C1orf115: variants seen among roughly 807,000 people sequenced by gnomAD.
C1orf115 encodes chromosome 1 open reading frame 115, also known as required for drug-induced death protein 1.
C1orf115 carries 14 observed loss-of-function variants against 12.5 expected under a neutral mutation model. The ratio of observed to expected loss-of-function variants is 1.12; its 90% confidence interval spans 0.74 to 1.75. The LOEUF is 1.75. Ranked by LOEUF, C1orf115 falls within the 40% of genes most tolerant of loss-of-function variation. The pLI, the probability that C1orf115 is intolerant of heterozygous loss-of-function variation, is 0.00. For missense variants in C1orf115, 237 were observed against 220.8 expected (o/e 1.07, Z -0.46); for synonymous variants, 109 against 104.6 (o/e 1.04, Z -0.26).
chr1:220,695,191 C>G (rs1558344239), intron 1 of C1orf115, among the ~76,000 whole-genome samples: 1 of 152,022 alleles, frequency 6.6e-6, no homozygotes, highest in Non-Finnish European at 1.5e-5. Context: ...GTGGTTGGCT[C>G]TTTTGGCTGG....
At chr1:220,691,400 A>G (rs1298119472) in intron 1 of C1orf115, among the ~76,000 whole-genome samples, 2 of 152,158 alleles carry the variant, frequency 1.3e-5, no homozygotes, top group Non-Finnish European at 2.9e-5. Context: ...CTGCATGGAA[A>G]CAGTCGAAGC....
At chr1:220,693,958 T>C (rs946851994) in intron 1 of C1orf115, among the ~76,000 whole-genome samples, 1 of 151,402 alleles carries the variant, frequency 6.6e-6, no homozygotes, top group Non-Finnish European at 1.5e-5. Context: ...TGCATGCCTA[T>C]AATCCCAGCT....
In C1orf115 at chr1:220,698,001, G is replaced by A. The variant is rs981816350; in HGVS notation, c.*1270G>A. The A allele has an allele frequency of 1.3e-5, 2 of 152,488 alleles. No individual in the cohort carries two copies. The highest frequency in any genetic ancestry group is 4.8e-5 in the African/African-American group (2 of 41,438). 9.4% of individuals were successfully genotyped at this position (152,488 alleles called of 1,614,324 possible). ...GATCTCATCTCACCTGGATTCAAAG[G>A]GTAAGGTGGGCATGGGTCTTGGGCC... On this transcript the variant is annotated 3_prime_UTR_variant, in exon 2 of 2. Coordinates refer to ENST00000294889, the MANE Select transcript of C1orf115 (RefSeq NM_024709.5).
intron 1 of C1orf115, among the ~76,000 whole-genome samples, chr1:220,694,223 A>G (rs2102517284): frequency 6.6e-6 from 1 of 152,334 alleles, no homozygotes; most frequent in African/African-American, 2.4e-5. Flanking sequence ...AATCAAAAGA[A>G]GCAGATGTTA....
intron 1 of C1orf115, among the ~76,000 whole-genome samples, chr1:220,692,449 G>C (rs1329578193): frequency 6.6e-6 from 1 of 152,212 alleles, no homozygotes; most frequent in Non-Finnish European, 1.5e-5. Flanking sequence ...CAATGGAATA[G>C]TATTCAGCCA....
rs1670223217 is a variant in C1orf115 at position 220,698,283 on chromosome 1, CAGAA to C, written c.*1556_*1559del. 6.6e-6 allele frequency: 1 copy of C among 152,238 alleles called. No homozygotes were observed. The highest frequency in any genetic ancestry group is 1.5e-5 in the Non-Finnish European group (1 of 68,098). 9.4% of individuals were successfully genotyped at this position (152,238 alleles called of 1,614,324 possible). ...TCTAATCAAGCCCTACCAAGACAGACAGAAAGACAGACAGAAAAAAGGAAGGGGT... is the reference window on the plus strand; with the variant it reads ...TCTAATCAAGCCCTACCAAGACAGACAGACAGACAGAAAAAAGGAAGGGGT... On this transcript the variant is annotated 3_prime_UTR_variant, in exon 2 of 2. Coordinates refer to ENST00000294889, the MANE Select transcript of C1orf115 (RefSeq NM_024709.5).
At chr1:220,696,505 T>G in intron 1 of C1orf115, 107 bp from the exon 2 acceptor site, 2 of 1,283,166 alleles carry the variant, frequency 1.6e-6, no homozygotes, top group Non-Finnish European at 2.1e-6. Context: ...TCAGGAAAAA[T>G]GATCTTTATA....
Position 220,691,920 on chromosome 1 carries a change from C to T in C1orf115, c.309+1209C>T, listed in dbSNP as rs1024322745. Among the ~76,000 whole-genome samples the T allele has an allele frequency of 2.6e-5, 4 of 152,204 alleles. No individual in the cohort carries two copies. In the South Asian group the frequency reaches 8.3e-4, roughly 32 times the overall value. ...CAGGGAGACACTGACATAGCTGGCT[C>T]CCCCCGCCCCCGGGGGGGCTTCAGG... On this transcript the variant is annotated intron_variant, in intron 1 of 1. Transcript: ENST00000294889.
Position 220,696,465 on chromosome 1 carries a change from G to A in C1orf115, c.310-147G>A, listed in dbSNP as rs550498222. On this transcript the variant is annotated intron_variant, in intron 1 of 1. Transcript: ENST00000294889. ...CACCTTCCACCAGAGATGTGGGAAT[G>A]TGGTAACTTGCTGATTTGTCACAAG... is the stretch of plus-strand genomic sequence containing the variant. The A allele has an allele frequency of 2.7e-5, 25 of 942,578 alleles. No individual in the cohort carries two copies. In the African/African-American group the frequency reaches 4.1e-4, roughly 15 times the overall value. The allele number at this position is 942,578 out of a possible 1,614,324, so 58.4% of individuals were successfully genotyped here.
intron 1 of C1orf115, among the ~76,000 whole-genome samples, chr1:220,695,322 A>G (rs930386615): frequency 6.6e-6 from 1 of 152,086 alleles, no homozygotes; most frequent in Non-Finnish European, 1.5e-5. Flanking sequence ...GTGAAGGGAA[A>G]GCCAAGATCA....
intron 1 of C1orf115, among the ~76,000 whole-genome samples, chr1:220,693,969 A>G (rs915670486): frequency 1.3e-5 from 2 of 151,188 alleles, no homozygotes; most frequent in South Asian, 2.1e-4. Context: ...AATCCCAGCT[A>G]CTTGGGAGGC....
chr1:220,690,473 G>A lies in C1orf115; in HGVS notation c.71G>A (p.Gly24Glu). The change falls in exon 1 of 2, where the codon GGG becomes GAG. Residue 24 changes from glycine to glutamate, a missense_variant. By Grantham distance (98) the Gly-to-Glu change is moderately conservative. Transcript: ENST00000294889. ...CTGCGCCGCGGGCCCCGAGGGCGAG[G>A]GCGAACCGAGGGGGACGAGGAGGCG... The part of the protein sequence containing the change: ...SLLRRGPRGR[G>E]RTEGDEEAAA... 2.1e-6 allele frequency: 3 copies of A among 1,441,808 alleles called. No homozygotes were observed. Among genetic ancestry groups the A allele is most frequent in the Admixed American group, 3.0e-5 (1 of 32,980 alleles). 89.3% of individuals were successfully genotyped at this position (1,441,808 alleles called of 1,614,324 possible).
At position 220,696,482 on chromosome 1, in the gene C1orf115, T is replaced by G; in HGVS notation, c.310-130T>G. 19 of 1,131,282 alleles carry G rather than the reference T, an allele frequency of 1.7e-5. No individual in the cohort carries two copies. In the South Asian group the frequency reaches 3.7e-4, roughly 22 times the overall value. The allele number at this position is 1,131,282 out of a possible 1,614,324, so 70.1% of individuals were successfully genotyped here. ...GTGGGAATGTGGTAACTTGCTGATTTGTCACAAGAGAATCAGGAAAAATGA... is the reference window on the plus strand; with the variant it reads ...GTGGGAATGTGGTAACTTGCTGATTGGTCACAAGAGAATCAGGAAAAATGA... On this transcript the variant is annotated intron_variant, in intron 1 of 1. Coordinates refer to ENST00000294889, the MANE Select transcript of C1orf115 (RefSeq NM_024709.5).
Position 220,696,672 on chromosome 1 carries a change from G to A in C1orf115, c.370G>A (p.Ala124Thr), listed in dbSNP as rs996971243. Residue 124 changes from alanine (A) to threonine (T), a missense_variant, in exon 2 of 2, where the codon GCT becomes ACT. Ala to Thr is a moderately conservative substitution (Grantham distance 58). Transcript: ENST00000294889. Reference sequence around the variant, plus strand: ...CGTGGTCATCGGCCTGCAAGGCTTCGCTGCAGCCTACTCCGCCCCGTTTGC... The same window carrying A: ...CGTGGTCATCGGCCTGCAAGGCTTCACTGCAGCCTACTCCGCCCCGTTTGC... ...RYVVIGLQGF[A>T]AAYSAPFAVA... 1.2e-5 allele frequency: 20 copies of A among 1,603,286 alleles called. No homozygotes were observed. The highest frequency in any genetic ancestry group is 1.7e-4 in the Middle Eastern group (1 of 6,060).
At chr1:220,694,722 T>C (rs1390401420) in intron 1 of C1orf115, among the ~76,000 whole-genome samples, 1 of 152,088 alleles carries the variant, frequency 6.6e-6, no homozygotes, top group Non-Finnish European at 1.5e-5. Context: ...AATTGTGGGG[T>C]CTTCAAAAAG....
At chr1:220,693,942 C>T (rs960856995) in intron 1 of C1orf115, among the ~76,000 whole-genome samples, 9 of 151,930 alleles carry the variant, frequency 5.9e-5, no homozygotes, top group South Asian at 4.2e-4. Context: ...TAGCCTGGCG[C>T]GGTGGTGCAT....
chr1:220,699,143 G>T lies in C1orf115; in HGVS notation c.*2412G>T, dbSNP rs1013406491. ...GTCCTATGATGTAAATAAAAGCCTC[G>T]ATTTATGTAATGTTTCTGGTGTGAA... is the stretch of plus-strand genomic sequence containing the variant. On this transcript the variant is annotated 3_prime_UTR_variant, in exon 2 of 2. Coordinates refer to ENST00000294889, the MANE Select transcript of C1orf115 (RefSeq NM_024709.5). 1 of 151,970 alleles carries T rather than the reference G, an allele frequency of 6.6e-6. No homozygotes were observed. Among genetic ancestry groups the T allele is most frequent in the Admixed American group, 6.6e-5 (1 of 15,262 alleles). 9.4% of individuals were successfully genotyped at this position (151,970 alleles called of 1,614,324 possible).
In C1orf115 at chr1:220,690,406, A is replaced by T; in HGVS notation, c.4A>T (p.Thr2Ser). The change falls in exon 1 of 2, where the codon ACG becomes TCG. Residue 2 changes from threonine (T) to serine (S), a missense_variant. Thr to Ser is a moderately conservative substitution (Grantham distance 58). Coordinates refer to ENST00000294889, the MANE Select transcript of C1orf115 (RefSeq NM_024709.5). M[T>S]VGARLRSKAE... ...TCGCCAGAGGGGCCGGGACATCATG[A>T]CGGTGGGAGCCAGGCTCCGAAGCAA... The T allele has an allele frequency of 1.4e-6, 2 of 1,426,254 alleles. No individual in the cohort carries two copies. Among genetic ancestry groups the T allele is most frequent in the Non-Finnish European group, 1.8e-6 (2 of 1,098,006 alleles). 88.3% of individuals were successfully genotyped at this position (1,426,254 alleles called of 1,614,324 possible).
In C1orf115 at chr1:220,696,644, C is replaced by CG; in HGVS notation, c.342_343insG (p.Tyr115ValfsTer58). 6.2e-7 allele frequency: 1 copy of CG among 1,600,284 alleles called. No individual in the cohort carries two copies. The highest frequency in any genetic ancestry group is 8.6e-7 in the Non-Finnish European group (1 of 1,168,500). ...GGAAGGTCATCATCAAAGGATGCCG[C>CG]TACGTGGTCATCGGCCTGCAAGGCT... On this transcript the variant is annotated frameshift_variant, in exon 2 of 2. Transcript: ENST00000294889. LOFTEE classifies it high-confidence loss of function.
Sources: allele counts gnomAD v4.1 joint callset (sites outside exome capture counted in the v4.1 genomes callset), GRCh38; gene constraint gnomAD v4.1.1; transcripts MANE v1.5; gene names NCBI Gene and HGNC (gene_info 2026-07-23, HGNC 2026-07-21).